The following CSMD3 variants were observed in gnomAD, a reference collection of about 807,000 sequenced individuals.
CSMD3 encodes CUB and Sushi multiple domains 3, also known as CUB and sushi domain-containing protein 3.
A neutral mutation model predicts 435.2 loss-of-function variants in CSMD3; 177 were observed. That is an observed-to-expected ratio of 0.41 (90% CI 0.36 to 0.46). The LOEUF (loss-of-function observed/expected upper bound fraction) is 0.46, where lower values mean the gene tolerates loss of function less well. Ranked by LOEUF, CSMD3 falls within the 20% of genes least tolerant of loss-of-function variation. CSMD3 has a pLI of 0.34. For synonymous variants in CSMD3, 1,656 were observed against 1,520.5 expected, an observed-to-expected ratio of 1.09 and a Z score of -2.07; for missense variants, 4,265 against 4,504.6, an observed-to-expected ratio of 0.95 and a Z score of 1.52.
chr8:113,393,788 A>G (rs1158426153), intron 1 of CSMD3, among the ~76,000 whole-genome samples: 1 of 152,104 alleles, frequency 6.6e-6, no homozygotes, highest in Non-Finnish European at 1.5e-5. Flanking sequence ...GAGACTCTTC[A>G]TGGTCAGGAA....
chr8:113,221,791 A>G (rs1473806855), intron 3 of CSMD3, among the ~76,000 whole-genome samples: 1 of 151,214 alleles, frequency 6.6e-6, no homozygotes, highest in African/African-American at 2.4e-5. Flanking sequence ...CCAAAATGGC[A>G]CTCACCTTCA....
intron 11 of CSMD3, among the ~76,000 whole-genome samples, chr8:112,855,649 C>T (rs918431116): frequency 6.6e-6 from 1 of 151,630 alleles, no homozygotes; most frequent in African/African-American, 2.4e-5. Context: ...TGATAGATGA[C>T]AGATAGATAG....
intron 2 of CSMD3, 85 bp downstream of exon 2, chr8:113,314,486 A>C: frequency 1.2e-6 from 1 of 802,910 alleles, no homozygotes; most frequent in South Asian, 1.4e-5. Context: ...TAATTGCATC[A>C]CAAATGTTAA....
At chr8:113,080,160 T>C (rs2089502643) in intron 5 of CSMD3, among the ~76,000 whole-genome samples, 1 of 152,178 alleles carries the variant, frequency 6.6e-6, no homozygotes, top group Admixed American at 6.5e-5. Flanking sequence ...TAGATGGTTT[T>C]CAGCACTTCT....
intron 31 of CSMD3, among the ~76,000 whole-genome samples, chr8:112,482,318 G>A (rs1819701453): frequency 6.6e-6 from 1 of 152,118 alleles, no homozygotes; most frequent in African/African-American, 2.4e-5. Flanking sequence ...TAGTTTTGGA[G>A]GGCATAGACA....
At chr8:113,281,051 T>A (rs912710528) in intron 2 of CSMD3, among the ~76,000 whole-genome samples, 1 of 151,938 alleles carries the variant, frequency 6.6e-6, no homozygotes, top group African/African-American at 2.4e-5. Context: ...TTTCTTTATT[T>A]ATTGAGGCTC....
chr8:112,270,096 A>G, intron 59 of CSMD3, among the ~76,000 whole-genome samples: 1 of 152,116 alleles, frequency 6.6e-6, no homozygotes, highest in South Asian at 2.1e-4. Flanking sequence ...TAGACTTGCA[A>G]TTTTCCAACT....
chr8:113,161,959 T>G (rs1323968487), intron 4 of CSMD3, among the ~76,000 whole-genome samples: 6 of 152,172 alleles, frequency 3.9e-5, no homozygotes, highest in Admixed American at 3.3e-4. Context: ...CATTTGTTCC[T>G]GAATCCTAGA....
chr8:112,293,654 A>G (rs1344403990), intron 54 of CSMD3, among the ~76,000 whole-genome samples: 1 of 152,072 alleles, frequency 6.6e-6, no homozygotes, highest in African/African-American at 2.4e-5. Flanking sequence ...AGGTTCTTTT[A>G]ATGCTGTGTC....
chr8:113,352,852 T>C (rs116981190), intron 1 of CSMD3, among the ~76,000 whole-genome samples: 4,515 of 152,274 alleles, frequency 0.03, 87 homozygotes, highest in Admixed American at 0.04. Flanking sequence ...ATCAAGGTGT[T>C]TGAATTGCAC....
In CSMD3 at chr8:112,472,834, AT is replaced by A. The variant is rs530029684; in HGVS notation, c.5279-128del. The A allele has an allele frequency of 3.5e-5, 23 of 656,864 alleles. No individual in the cohort carries two copies. The South Asian group carries it at 3.8e-4, about 11-fold the overall frequency. The allele number at this position is 656,864 out of a possible 1,614,324, so 40.7% of individuals were successfully genotyped here. On this transcript the variant is annotated intron_variant, in intron 31 of 70. Coordinates refer to ENST00000297405, the MANE Select transcript of CSMD3 (RefSeq NM_198123.2). Reference sequence around the variant, plus strand: ...AAGGTGTATAATTTATTTGCATCTTATAATAAGATCCTCTAGTGTTAAATAT... The same window carrying A: ...AAGGTGTATAATTTATTTGCATCTTAAATAAGATCCTCTAGTGTTAAATAT...
At chr8:113,138,769 T>C (rs2091476782) in intron 4 of CSMD3, among the ~76,000 whole-genome samples, 1 of 150,754 alleles carries the variant, frequency 6.6e-6, no homozygotes, top group African/African-American at 2.4e-5. Context: ...GTCTCTGAAT[T>C]TCAATTCCCT....
chr8:112,587,423 C>T (rs774052031), intron 22 of CSMD3, among the ~76,000 whole-genome samples, 188 bp from the exon 23 acceptor site: 6 of 151,676 alleles, frequency 4.0e-5, no homozygotes, highest in African/African-American at 9.7e-5. Flanking sequence ...GAAGAGACTA[C>T]AGCCCATGGA....
In CSMD3 at chr8:112,313,942, C is replaced by G. The variant is rs2130830779; in HGVS notation, c.7660G>C (p.Gly2554Arg). ...EVFLQWSADH[G>R]NNKKGFRIRY... Reference sequence around the variant, plus strand: ...ATCCGGAAGCCTTTTTTGTTATTGCCATGATCTGCTGACCACTGAAGAAAT... The same window carrying G: ...ATCCGGAAGCCTTTTTTGTTATTGCGATGATCTGCTGACCACTGAAGAAAT... The change falls in exon 49 of 71, where the codon GGC (glycine) becomes CGC (arginine). Residue 2554 changes from glycine (G) to arginine (R), a missense_variant. Physicochemically the swap from Gly to Arg is moderately radical, Grantham distance 125 (BLOSUM62 -2). This residue lies in a region of CSMD3 where 3,255 missense variants were observed against 3,380.2 expected (regional missense o/e 0.96). Transcript: ENST00000297405. 6.2e-7 allele frequency: 1 copy of G among 1,612,352 alleles called. No individual in the cohort carries two copies. The highest frequency in any genetic ancestry group is 8.5e-7 in the Non-Finnish European group (1 of 1,178,828).
At chr8:112,534,892 A>G (rs922373457) in intron 27 of CSMD3, among the ~76,000 whole-genome samples, 2 of 152,180 alleles carry the variant, frequency 1.3e-5, no homozygotes, top group African/African-American at 2.4e-5. Context: ...AAATCAATAA[A>G]TGTAATCCAG....
intron 2 of CSMD3, among the ~76,000 whole-genome samples, chr8:113,292,256 T>C (rs1007455735): frequency 6.6e-6 from 1 of 151,730 alleles, no homozygotes; most frequent in African/African-American, 2.4e-5. Flanking sequence ...ATTTATAAGT[T>C]ATTGAATTTC....
At chr8:113,302,134 G>A (rs912460814) in intron 2 of CSMD3, among the ~76,000 whole-genome samples, 23 of 149,654 alleles carry the variant, frequency 1.5e-4, no homozygotes, top group African/African-American at 5.4e-4. Flanking sequence ...ACCTATTTAT[G>A]TTCACACTTC....
At chr8:113,161,644 G>A (rs191768498) in intron 4 of CSMD3, among the ~76,000 whole-genome samples, 2 of 151,880 alleles carry the variant, frequency 1.3e-5, no homozygotes, top group African/African-American at 4.8e-5. Flanking sequence ...TACTTTTACC[G>A]GAACAGTATT....
intron 5 of CSMD3, among the ~76,000 whole-genome samples, chr8:113,025,302 T>C (rs2086835417): frequency 6.6e-6 from 1 of 152,096 alleles, no homozygotes; most frequent in African/African-American, 2.4e-5. Flanking sequence ...AGGGTGTGGT[T>C]TAGTAGGGTG....
Sources: allele counts gnomAD v4.1 joint callset (sites outside exome capture counted in the v4.1 genomes callset), GRCh38; gene constraint gnomAD v4.1.1; regional missense constraint gnomAD v4.1.1; transcripts MANE v1.5; gene names NCBI Gene and HGNC (gene_info 2026-07-23, HGNC 2026-07-21).